SCARA3: variants seen among roughly 807,000 people sequenced by gnomAD.
SCARA3 encodes scavenger receptor class A member 3, also known as cellular stress response gene protein.
In SCARA3, 39 loss-of-function variants were observed where a neutral mutation model predicts 47.0. That is an observed-to-expected ratio of 0.83 (90% CI 0.64 to 1.08). The LOEUF is 1.08. SCARA3 is among the 50% of genes least tolerant of loss of function. The pLI, the probability that SCARA3 is intolerant of heterozygous loss-of-function variation, is 0.00. For synonymous variants in SCARA3, 356 were observed against 334.1 expected (o/e 1.07, Z -0.71); for missense variants, 724 against 792.3 (o/e 0.91, Z 1.04).
chr8:27,725,175 G>A, the SCARA3 span, among the ~76,000 whole-genome samples: 1 of 151,906 alleles, frequency 6.6e-6, no homozygotes, highest in Non-Finnish European at 1.5e-5. Context: ...AACAAAAACA[G>A]GTTGAACTAA....
the SCARA3 span, among the ~76,000 whole-genome samples, chr8:27,685,089 T>C: frequency 4.9e-4 from 75 of 152,150 alleles, no homozygotes; most frequent in African/African-American, 1.7e-3. Context: ...ACAAACCCTA[T>C]GCAATATTGA....
intron 1 of SCARA3, among the ~76,000 whole-genome samples, chr8:27,646,502 G>C (rs973833251): frequency 1.3e-5 from 2 of 152,234 alleles, no homozygotes; most frequent in African/African-American, 2.4e-5. Context: ...AGCCAGAACA[G>C]GGAGGAGGCC....
the SCARA3 span, among the ~76,000 whole-genome samples, chr8:27,685,627 A>G: frequency 6.6e-6 from 1 of 152,242 alleles, no homozygotes; most frequent in Non-Finnish European, 1.5e-5. Context: ...AAATGCCCAC[A>G]TCTTTCAGAA....
At chr8:27,703,192 G>T in the SCARA3 span, 2 of 152,652 alleles carry the variant, frequency 1.3e-5, no homozygotes, top group East Asian at 3.9e-4. Context: ...CAGGAGAGGA[G>T]CCTCCCATCC....
chr8:27,667,320 C>G (rs138246852), intron 5 of SCARA3, among the ~76,000 whole-genome samples: 2 of 152,352 alleles, frequency 1.3e-5, no homozygotes, highest in African/African-American at 4.8e-5. Flanking sequence ...CTAAGGAAGG[C>G]AGCCTTCTGA....
At chr8:27,644,453 G>A (rs951419050) in intron 1 of SCARA3, among the ~76,000 whole-genome samples, 87 of 152,240 alleles carry the variant, frequency 5.7e-4, no homozygotes, top group Non-Finnish European at 1.1e-3. Flanking sequence ...TTAGATGTTC[G>A]TTCTTTCATG....
Position 27,672,887 on chromosome 8 carries a change from G to C in SCARA3, c.*1536G>C. ...GCCCTTCCCTGCTCAAAGCCTTTCC[G>C]CACCCTCCTGACTGTCCTGGATGTG... is the stretch of plus-strand genomic sequence containing the variant. On this transcript the variant is annotated 3_prime_UTR_variant, in exon 6 of 6. Coordinates refer to ENST00000301904, the MANE Select transcript of SCARA3 (RefSeq NM_016240.3). 1 of 985,584 alleles carries C rather than the reference G, an allele frequency of 1.0e-6. No homozygotes were observed. 61.1% of individuals were successfully genotyped at this position (985,584 alleles called of 1,614,324 possible). A position where few individuals can be genotyped will look rare whatever the true frequency, so the allele number is the denominator to read the frequency against.
chr8:27,666,469 T>C (rs1371425669), intron 5 of SCARA3, among the ~76,000 whole-genome samples: 1 of 152,214 alleles, frequency 6.6e-6, no homozygotes, highest in Non-Finnish European at 1.5e-5. Context: ...TCGAAGCCCA[T>C]GGGCATGTTT....
At chr8:27,653,923 C>A (rs1801688695) in intron 3 of SCARA3, among the ~76,000 whole-genome samples, 2 of 152,024 alleles carry the variant, frequency 1.3e-5, no homozygotes, top group African/African-American at 4.8e-5. Context: ...TTGTCACAAC[C>A]AAACTCGTCA....
At chr8:27,645,749 G>A (rs1419185001) in intron 1 of SCARA3, among the ~76,000 whole-genome samples, 1 of 152,186 alleles carries the variant, frequency 6.6e-6, no homozygotes, top group South Asian at 2.1e-4. Context: ...CATAGAAGAC[G>A]GAGAGGGGAA....
At chr8:27,669,983 GAGGGGTGGA>G (rs1300034776) in intron 5 of SCARA3, among the ~76,000 whole-genome samples, 208 of 152,142 alleles carry the variant, frequency 1.4e-3, no homozygotes, top group African/African-American at 4.9e-3. Context: ...GCACAGCTAT[GAGGGGTGGA>G]GACTCTCAGA....
At chr8:27,670,795 C>T (rs1025231630) in intron 5 of SCARA3, 105 bp from the exon 6 acceptor site, 1 of 877,100 alleles carries the variant, frequency 1.1e-6, no homozygotes, top group Non-Finnish European at 1.7e-6. Flanking sequence ...GTCCGCTGGA[C>T]TTGTTCAACC....
At chr8:27,699,732 C>G in the SCARA3 span, among the ~76,000 whole-genome samples, 19 of 151,866 alleles carry the variant, frequency 1.3e-4, no homozygotes, top group East Asian at 3.1e-3. Context: ...AGTTCCAGAC[C>G]AGCCTAGACA....
chr8:27,652,918 G>A (rs1456763897), intron 3 of SCARA3, among the ~76,000 whole-genome samples: 2 of 152,140 alleles, frequency 1.3e-5, no homozygotes, highest in Admixed American at 1.3e-4. Flanking sequence ...ATCCCTTCAG[G>A]GGATTCCAGT....
Position 27,634,205 on chromosome 8 carries a change from A to G in SCARA3, c.5A>G (p.Lys2Arg), listed in dbSNP as rs1486217109. MKVRSAGGDGDA... is the reference protein window; with the variant it reads MRVRSAGGDGDA... ...GAGGCCCCAGAGGAAGAGACCATGA[A>G]AGGTAAGGGCGGCCTGTCGGGGGCA... The change falls in exon 1 of 6, where the codon AAA (lysine) becomes AGA (arginine). Residue 2 changes from lysine (K) to arginine (R), a missense_variant and splice_region_variant. Coordinates refer to ENST00000301904, the MANE Select transcript of SCARA3 (RefSeq NM_016240.3). 2.9e-6 allele frequency: 4 copies of G among 1,387,702 alleles called. No homozygotes were observed. Among genetic ancestry groups the G allele is most frequent in the South Asian group, 3.6e-5 (2 of 55,480 alleles). The allele number at this position is 1,387,702 out of a possible 1,614,324, so 86.0% of individuals were successfully genotyped here.
chr8:27,659,578 C>T, intron 5 of SCARA3, 39 bp downstream of exon 5: 1 of 1,522,936 alleles, frequency 6.6e-7, no homozygotes. Flanking sequence ...ACAAAGCTTC[C>T]ACTGAGGCTT....
chr8:27,651,140 C>G (rs1801622865), intron 2 of SCARA3, among the ~76,000 whole-genome samples: 1 of 152,210 alleles, frequency 6.6e-6, no homozygotes, highest in South Asian at 2.1e-4. Flanking sequence ...CCTGGGCAAG[C>G]CCAGACAAGT....
chr8:27,697,834 T>C, the SCARA3 span, among the ~76,000 whole-genome samples: 2 of 152,182 alleles, frequency 1.3e-5, no homozygotes, highest in African/African-American at 4.8e-5. Context: ...CCTTTGCTAC[T>C]CGTTTGCCTT....
chr8:27,646,273 A>G (rs35581080), intron 1 of SCARA3, among the ~76,000 whole-genome samples: 11,282 of 152,236 alleles, frequency 0.074, 472 homozygotes, highest in African/African-American at 0.091. Context: ...TTCCCTTCCC[A>G]TGGGTCACTC....
Sources: gnomAD v4.1 joint callset for allele counts (sites outside exome capture counted in the v4.1 genomes callset) on GRCh38, gnomAD v4.1.1 for gene constraint, MANE v1.5 for transcripts, NCBI Gene and HGNC (gene_info 2026-07-23, HGNC 2026-07-21) for gene names.